Variants in ADRM1 observed in about 807,000 individuals in gnomAD.
The protein encoded by ADRM1 is proteasomal ubiquitin receptor ADRM1.
In ADRM1, 2 loss-of-function variants were observed where a neutral mutation model predicts 40.1. That is an observed-to-expected ratio of 0.05 (90% CI 0.02 to 0.16). The LOEUF (loss-of-function observed/expected upper bound fraction) is 0.16. Ranked by LOEUF, ADRM1 falls within the 10% of genes least tolerant of loss-of-function variation. The pLI, the probability that ADRM1 is intolerant of heterozygous loss-of-function variation, is 1.00. For synonymous variants in ADRM1, 287 were observed against 240.4 expected (o/e 1.19, Z -1.79); for missense variants, 467 against 552.5 (o/e 0.85, Z 1.55).
intron 5 of ADRM1, among the ~76,000 whole-genome samples, chr20:62,307,117 G>C (rs1244385128): frequency 6.6e-6 from 1 of 152,204 alleles, no homozygotes; most frequent in Non-Finnish European, 1.5e-5. Flanking sequence ...CCTTTGGGTG[G>C]GATCTGGACT....
chr20:62,303,854 CGGTGG>C (rs1984487897), intron 2 of ADRM1, 73 bp downstream of exon 2: 2 of 1,496,422 alleles, frequency 1.3e-6, no homozygotes, highest in South Asian at 2.3e-5. Context: ...TTGGAGTTCG[CGGTGG>C]GGGCTTGGCC....
At chr20:62,307,275 T>G in intron 5 of ADRM1, 96 bp from the exon 6 acceptor site, 9 of 1,197,512 alleles carry the variant, frequency 7.5e-6, no homozygotes, top group Non-Finnish European at 8.1e-6. Context: ...CTGGCTTTGG[T>G]GTTGGGAATT....
chr20:62,307,989 A>G (rs1985388551), intron 7 of ADRM1, 32 bp from the exon 8 acceptor site: 3 of 1,596,938 alleles, frequency 1.9e-6, no homozygotes, highest in Non-Finnish European at 2.6e-6. Flanking sequence ...TTAGGCTGTC[A>G]TCGAGCTGAT....
At chr20:62,305,515 T>G (rs1984784937) in intron 3 of ADRM1, 1 of 150,850 alleles carries the variant, frequency 6.6e-6, no homozygotes, top group African/African-American at 2.4e-5. Flanking sequence ...TTTTCCACGG[T>G]TTTGCCAAGA....
rs765265256 is a variant in ADRM1, at chr20:62,307,578, T to A, written c.624-18T>A. The A allele has an allele frequency of 2.0e-5, 32 of 1,607,556 alleles. No individual in the cohort carries two copies. The highest frequency in any genetic ancestry group is 2.7e-5 in the Non-Finnish European group (32 of 1,178,462). On this transcript the variant is annotated intron_variant, in intron 6 of 9. Transcript: ENST00000253003. ...GTGTGGGGCGTGTCCGCTCCAGCGG[T>A]GCCCTCTCTCTTCGCAGCTCCCGGA...
At chr20:62,305,055 G>A (rs776980148) in intron 3 of ADRM1, among the ~76,000 whole-genome samples, 10 of 152,228 alleles carry the variant, frequency 6.6e-5, no homozygotes, top group Non-Finnish European at 8.8e-5. Context: ...GCTGCAGAGC[G>A]TCTTTTGGGT....
chr20:62,306,758 C>T (rs1328196843), intron 5 of ADRM1, 24 bp downstream of exon 5: 8 of 1,576,728 alleles, frequency 5.1e-6, no homozygotes, highest in East Asian at 4.6e-5. Flanking sequence ...CCCGGGCTCT[C>T]GGGCAGCTTC....
At chr20:62,304,422 C>A in intron 2 of ADRM1, 39 bp from the exon 3 acceptor site, 1 of 1,534,814 alleles carries the variant, frequency 6.5e-7, no homozygotes, top group Non-Finnish European at 9.0e-7. Context: ...ACAGTGATGC[C>A]ATCTGCGCCA....
At chr20:62,303,829 C>T in intron 2 of ADRM1, 48 bp downstream of exon 2, 1 of 1,576,950 alleles carries the variant, frequency 6.3e-7, no homozygotes, top group Non-Finnish European at 8.6e-7. Flanking sequence ...TTCTCGGGCC[C>T]TCGGAGTCCT....
intron 2 of ADRM1, chr20:62,304,031 T>G (rs1428917637): frequency 3.6e-6 from 2 of 553,598 alleles, no homozygotes; most frequent in Non-Finnish European, 6.5e-6. Context: ...GCTCTGTGCC[T>G]GGCCTTGAAC....
At chr20:62,303,355 G>A (rs1984390914) in intron 1 of ADRM1, 1 of 502,786 alleles carries the variant, frequency 2.0e-6, no homozygotes, top group Non-Finnish European at 3.5e-6. Context: ...GGCCCCACTA[G>A]GCTTGGCGGG....
At position 62,308,473 on chromosome 20, in the gene ADRM1, A is replaced by AAGTGGC. The variant is rs747757307; in HGVS notation, c.1117+4_1117+9dup. The AAGTGGC allele has an allele frequency of 5.2e-4, 832 of 1,597,248 alleles. 3 individuals carry two copies. The highest frequency in any genetic ancestry group is 4.9e-4 in the Non-Finnish European group (573 of 1,173,404). On this transcript the variant is annotated splice_donor_region_variant and intron_variant, in intron 9 of 9. Coordinates refer to ENST00000253003, the MANE Select transcript of ADRM1 (RefSeq NM_007002.4). ...TGTGGAGGCCGCCAACAAGGGCGGT[A>AAGTGGC]AGTGGCTGCGCCTGCACCTCCAGGC...
chr20:62,306,655 T>C lies in ADRM1; in HGVS notation c.462T>C (p.Gly154=). 6.2e-7 allele frequency: 1 copy of C among 1,607,564 alleles called. No individual in the cohort carries two copies. The highest frequency in any genetic ancestry group is 8.5e-7 in the Non-Finnish European group (1 of 1,177,624). The change falls in exon 5 of 10, where the codon GGT becomes GGC. Residue 154 remains glycine, a synonymous_variant. Coordinates refer to ENST00000253003, the MANE Select transcript of ADRM1 (RefSeq NM_007002.4). ...AGCTGCAGTGTTTTCCAGGTGAGGG[T>C]GGCCTGCAGAGCCTGCTGGGAAACA... ...GHELSALGGE[G]GLQSLLGNMS...
At chr20:62,304,124 T>C in intron 2 of ADRM1, 1 of 482,594 alleles carries the variant, frequency 2.1e-6, no homozygotes, top group East Asian at 3.7e-5. Flanking sequence ...TCAGTCTTCT[T>C]TGTTTTTCAA....
At position 62,303,551 on chromosome 20, in the gene ADRM1, CCT is replaced by C; in HGVS notation, c.-1-13_-1-12del. 1 of 1,557,978 alleles carries C rather than the reference CCT, an allele frequency of 6.4e-7. No individual in the cohort carries two copies. The highest frequency in any genetic ancestry group is 8.7e-7 in the Non-Finnish European group (1 of 1,152,780). ...GACAGTGACCGCCGCGTCTCAGCGT[CCT>C]CTCCGCGCTTTCAGGATGACGACCT... On this transcript the variant is annotated splice_polypyrimidine_tract_variant and intron_variant, in intron 1 of 9. Coordinates refer to ENST00000253003, the MANE Select transcript of ADRM1 (RefSeq NM_007002.4).
intron 4 of ADRM1, 57 bp from the exon 5 acceptor site, chr20:62,306,591 G>GTGGGGCCCGCGTGGATCTGGC: frequency 1.3e-6 from 2 of 1,522,614 alleles, no homozygotes; most frequent in East Asian, 2.4e-5. Context: ...AGGCAGTGCG[G>GTGGGGCCCGCGTGGATCTGGC]TGGGGCCCGC....
rs772753754 is a variant in ADRM1 at position 62,307,366 on chromosome 20, C to T, written c.542-5C>T. 26 of 1,598,922 alleles carry T rather than the reference C, an allele frequency of 1.6e-5. No individual in the cohort carries two copies. Among genetic ancestry groups the T allele is most frequent in the Middle Eastern group, 3.9e-4 (2 of 5,122 alleles). ...CCTGAGCTCGCATTTCCTTGCCCCT[C>T]GCAGGTGGGCTGGGGGCCCTGACTG... On this transcript the variant is annotated splice_region_variant and splice_polypyrimidine_tract_variant and intron_variant, in intron 5 of 9. Transcript: ENST00000253003.
At position 62,308,001 on chromosome 20, in the gene ADRM1, G is replaced by A. The variant is rs2146010278; in HGVS notation, c.857-20G>A. ...CACTTAGGCTGTCATCGAGCTGATG[G>A]CCGTGTTCTTGTGCCCCAGTGGACC... On this transcript the variant is annotated intron_variant, in intron 7 of 9. Transcript: ENST00000253003. The A allele has an allele frequency of 6.2e-7, 1 of 1,602,500 alleles. No individual in the cohort carries two copies. Among genetic ancestry groups the A allele is most frequent in the Non-Finnish European group, 8.5e-7 (1 of 1,173,556 alleles).
chr20:62,305,654 C>T (rs1311272091), intron 3 of ADRM1: 2 of 152,936 alleles, frequency 1.3e-5, no homozygotes, highest in Non-Finnish European at 2.9e-5. Flanking sequence ...CTGCAGCTTC[C>T]ATAGCCATTC....
Sources: gnomAD v4.1 joint callset for allele counts (sites outside exome capture counted in the v4.1 genomes callset) on GRCh38, gnomAD v4.1.1 for gene constraint, MANE v1.5 for transcripts, NCBI Gene and HGNC (gene_info 2026-07-23, HGNC 2026-07-21) for gene names.